GRM8: variants seen among roughly 807,000 people sequenced by gnomAD.
GRM8 encodes the protein glutamate metabotropic receptor 8.
In GRM8, 47 loss-of-function variants were observed where a neutral mutation model predicts 87.2. That is an observed-to-expected ratio of 0.54 (90% CI 0.43 to 0.69). The LOEUF (loss-of-function observed/expected upper bound fraction) is 0.69, where lower values mean the gene tolerates loss of function less well. Ranked by LOEUF, GRM8 falls within the 30% of genes least tolerant of loss-of-function variation. The probability of loss-of-function intolerance (pLI) is 0.00; values close to 1 mark genes in which losing one functional copy is unlikely to be tolerated. For missense variants in GRM8, 1,019 were observed against 1,139.2 expected (o/e 0.89, Z 1.52); for synonymous variants, 396 against 404.5 (o/e 0.98, Z 0.25).
chr7:126,474,456 A>T (rs1201956695), intron 9 of GRM8, among the ~76,000 whole-genome samples: 1 of 152,198 alleles, frequency 6.6e-6, no homozygotes, highest in South Asian at 2.1e-4. Context: ...TTTTGTAGAG[A>T]TGAGGTTTCA....
chr7:127,186,756 T>C (rs1341180587), intron 2 of GRM8, among the ~76,000 whole-genome samples: 1 of 152,218 alleles, frequency 6.6e-6, no homozygotes, highest in Non-Finnish European at 1.5e-5. Flanking sequence ...GCAAGAGATC[T>C]TATGGGAAAA....
At chr7:127,231,648 A>AC (rs1264164850) in intron 2 of GRM8, among the ~76,000 whole-genome samples, 3 of 152,142 alleles carry the variant, frequency 2.0e-5, no homozygotes, top group African/African-American at 7.2e-5. Flanking sequence ...CATCTCTGGC[A>AC]GAAAAAAAAA....
chr7:127,030,144 G>C (rs145806470), intron 3 of GRM8, among the ~76,000 whole-genome samples: 15 of 152,124 alleles, frequency 9.9e-5, no homozygotes, highest in African/African-American at 3.6e-4. Context: ...TCCTCAAGTT[G>C]AGTGCTTCAA....
chr7:126,730,333 A>T (rs1163696986), intron 7 of GRM8, among the ~76,000 whole-genome samples: 1 of 152,174 alleles, frequency 6.6e-6, no homozygotes, highest in African/African-American at 2.4e-5. Context: ...GAAAAAAAAT[A>T]AAATAAGAGC....
intron 6 of GRM8, among the ~76,000 whole-genome samples, chr7:126,866,806 G>A (rs764602437): frequency 6.6e-6 from 1 of 151,778 alleles, no homozygotes; most frequent in African/African-American, 2.4e-5. Context: ...TGGTCAGGCT[G>A]GTCTCAAACT....
At chr7:127,211,188 G>A (rs1011871034) in intron 2 of GRM8, among the ~76,000 whole-genome samples, 1 of 152,180 alleles carries the variant, frequency 6.6e-6, no homozygotes, top group Non-Finnish European at 1.5e-5. Context: ...GCAAGGAAGC[G>A]AGTCTGAGTC....
chr7:127,130,989 T>C (rs570234097), intron 2 of GRM8, among the ~76,000 whole-genome samples: 1 of 152,306 alleles, frequency 6.6e-6, no homozygotes, highest in Admixed American at 6.5e-5. Flanking sequence ...TTTGTAGCAG[T>C]GTGATAACAG....
At chr7:126,639,420 C>T (rs1327078448) in intron 7 of GRM8, among the ~76,000 whole-genome samples, 2 of 152,136 alleles carry the variant, frequency 1.3e-5, no homozygotes, top group Admixed American at 6.5e-5. Flanking sequence ...TTTGAGAGTG[C>T]AAAGGGGCAA....
At position 126,754,435 on chromosome 7, in the gene GRM8, T is replaced by C. The variant is rs568989279; in HGVS notation, c.1357+15430A>G. Among the ~76,000 whole-genome samples the C allele has an allele frequency of 1.1e-3, 170 of 151,924 alleles. 1 individual carries two copies. The highest frequency in any genetic ancestry group is 4.0e-3 in the African/African-American group (166 of 41,540). The stretch of plus-strand genomic sequence containing the variant: ...TTAAGATTAAAAACAATAATAACAA[T>C]ATAGGTAGTGAACTGGCTCTGGAAA... On this transcript the variant is annotated intron_variant, in intron 7 of 10. Transcript: ENST00000339582.
intron 9 of GRM8, among the ~76,000 whole-genome samples, chr7:126,455,964 T>A (rs1167991295): frequency 2.6e-5 from 4 of 151,522 alleles, no homozygotes; most frequent in Admixed American, 6.6e-5. Context: ...ACTGTGGAAT[T>A]AAAATTATTG....
chr7:127,141,872 C>A (rs117714941), intron 2 of GRM8, among the ~76,000 whole-genome samples: 314 of 152,238 alleles, frequency 2.1e-3, no homozygotes, highest in Middle Eastern at 3.4e-3. Flanking sequence ...AATAATTAAC[C>A]ATTAGCCTGG....
chr7:126,439,091 T>C lies in GRM8; in HGVS notation c.*28A>G. On this transcript the variant is annotated 3_prime_UTR_variant, in exon 11 of 11. Transcript: ENST00000339582. Reference sequence around the variant, plus strand: ...TCATCATTTAAGATCATATACCACATCTCTTCAGATTGTGCCATTTCCCTG... The same window carrying C: ...TCATCATTTAAGATCATATACCACACCTCTTCAGATTGTGCCATTTCCCTG... The C allele has an allele frequency of 1.4e-6, 2 of 1,399,854 alleles. No homozygotes were observed. Among genetic ancestry groups the C allele is most frequent in the Non-Finnish European group, 2.0e-6 (2 of 984,944 alleles). The allele number at this position is 1,399,854 out of a possible 1,614,324, so 86.7% of individuals were successfully genotyped here.
chr7:126,977,714 TA>T (rs1811149737), intron 3 of GRM8, among the ~76,000 whole-genome samples: 1 of 152,218 alleles, frequency 6.6e-6, no homozygotes, highest in African/African-American at 2.4e-5. Context: ...AGCATCAACC[TA>T]GTTCTAAATC....
intron 3 of GRM8, among the ~76,000 whole-genome samples, chr7:127,045,025 T>G (rs1402152461): frequency 1.3e-5 from 2 of 152,192 alleles, no homozygotes; most frequent in African/African-American, 4.8e-5. Flanking sequence ...ACAGCCACTA[T>G]GTCATGAATG....
intron 7 of GRM8, among the ~76,000 whole-genome samples, chr7:126,712,438 A>G (rs1243928021): frequency 6.6e-6 from 1 of 152,218 alleles, no homozygotes; most frequent in Non-Finnish European, 1.5e-5. Context: ...AAAATGTTAA[A>G]CAGAGATACA....
At chr7:126,568,055 A>G (rs547138056) in intron 8 of GRM8, among the ~76,000 whole-genome samples, 1 of 152,332 alleles carries the variant, frequency 6.6e-6, no homozygotes, top group Admixed American at 6.5e-5. Context: ...TATCTCCAAC[A>G]AATTAAAATT....
At chr7:127,030,336 G>C (rs967473512) in intron 3 of GRM8, among the ~76,000 whole-genome samples, 6 of 152,058 alleles carry the variant, frequency 3.9e-5, no homozygotes, top group African/African-American at 1.4e-4. Flanking sequence ...GACTGGTGCA[G>C]GTGGGCTTAG....
At chr7:126,841,005 A>G (rs1470601630) in intron 6 of GRM8, among the ~76,000 whole-genome samples, 1 of 152,276 alleles carries the variant, frequency 6.6e-6, no homozygotes, top group Non-Finnish European at 1.5e-5. Flanking sequence ...TATTTAATGT[A>G]CTAGAATAAT....
At chr7:126,504,402 A>G (rs796578313) in intron 9 of GRM8, among the ~76,000 whole-genome samples, 7 of 152,170 alleles carry the variant, frequency 4.6e-5, no homozygotes, top group African/African-American at 1.7e-4. Context: ...GACTTTTTCT[A>G]CTGATTTATT....
Sources: gnomAD v4.1 joint callset for allele counts (sites outside exome capture counted in the v4.1 genomes callset) on GRCh38, gnomAD v4.1.1 for gene constraint, MANE v1.5 for transcripts, NCBI Gene and HGNC (gene_info 2026-07-23, HGNC 2026-07-21) for gene names.